The following LDAH variants were observed in gnomAD, a reference collection of about 807,000 sequenced individuals.
LDAH encodes lipid droplet associated hydrolase, also known as lipid droplet-associated hydrolase.
In LDAH, 26 loss-of-function variants were observed where a neutral mutation model predicts 29.6. The observed-to-expected ratio is 0.88, with a 90% CI of 0.64 to 1.22. LDAH has a LOEUF of 1.22. Among genes scored for constraint, LDAH ranks in the 50% most tolerant of loss-of-function variants. The pLI is 0.00. For missense variants in LDAH, 344 were observed against 387.3 expected (o/e 0.89, Z 0.94); for synonymous variants, 117 against 133.0 (o/e 0.88, Z 0.83).
At chr2:20,687,537 AC>A (rs1662656881) in intron 6 of LDAH, among the ~76,000 whole-genome samples, 1 of 152,264 alleles carries the variant, frequency 6.6e-6, no homozygotes, top group African/African-American at 2.4e-5. Context: ...GAATACAAAC[AC>A]AGATCAGATA....
At chr2:20,801,930 ATG>A (rs35921690) in intron 1 of LDAH, among the ~76,000 whole-genome samples, 11,894 of 139,520 alleles carry the variant, frequency 0.085, 516 homozygotes, top group Non-Finnish European at 0.11. Flanking sequence ...CCCAAATTCT[ATG>A]TGTGTGTGTG....
intron 6 of LDAH, among the ~76,000 whole-genome samples, chr2:20,692,767 C>G (rs886460373): frequency 1.3e-5 from 2 of 152,154 alleles, no homozygotes; most frequent in African/African-American, 4.8e-5. Context: ...TTGGCACAGA[C>G]TACTTTGGGT....
chr2:20,779,475 AAAAAT>A (rs1422697799), intron 3 of LDAH, among the ~76,000 whole-genome samples: 1 of 152,070 alleles, frequency 6.6e-6, no homozygotes, highest in African/African-American at 2.4e-5. Flanking sequence ...TTTTTTAAGA[AAAAAT>A]AAAATAAAAA....
At chr2:20,708,472 TG>T (rs1448515823) in intron 5 of LDAH, among the ~76,000 whole-genome samples, 6 of 152,294 alleles carry the variant, frequency 3.9e-5, no homozygotes, top group Non-Finnish European at 8.8e-5. Context: ...AAATTCAGAA[TG>T]TAAGCTATCC....
At chr2:20,721,178 A>G (rs1263491446) in intron 5 of LDAH, among the ~76,000 whole-genome samples, 1 of 152,162 alleles carries the variant, frequency 6.6e-6, no homozygotes, top group Non-Finnish European at 1.5e-5. Flanking sequence ...ACAATCAACA[A>G]AGTGAAGAAA....
In LDAH at chr2:20,746,379, T is replaced by A. The variant is rs113824705; in HGVS notation, c.469-6174A>T. The stretch of plus-strand genomic sequence containing the variant: ...CAGGGTTATATTTGATTGATCTATA[T>A]CAATAACAAATTGAGAATTAAAATG... On this transcript the variant is annotated intron_variant, in intron 4 of 6. Coordinates refer to ENST00000237822, the MANE Select transcript of LDAH (RefSeq NM_021925.4). 3.4e-4 allele frequency among the ~76,000 whole-genome samples: 52 copies of A among 152,302 alleles called. 1 individual carries two copies. The highest frequency in any genetic ancestry group is 1.2e-3 in the African/African-American group (50 of 41,578).
At chr2:20,694,877 G>A (rs999401045) in intron 6 of LDAH, among the ~76,000 whole-genome samples, 5 of 152,184 alleles carry the variant, frequency 3.3e-5, no homozygotes, top group African/African-American at 1.2e-4. Flanking sequence ...TACAAGCCAC[G>A]AGGCCATCAA....
intron 5 of LDAH, among the ~76,000 whole-genome samples, chr2:20,734,266 C>T (rs905917274): frequency 6.6e-6 from 1 of 152,102 alleles, no homozygotes; most frequent in Non-Finnish European, 1.5e-5. Context: ...CTGCCAATTT[C>T]TTTTAATTGT....
At chr2:20,782,979 C>T (rs1184925892) in intron 3 of LDAH, among the ~76,000 whole-genome samples, 1 of 152,124 alleles carries the variant, frequency 6.6e-6, no homozygotes, top group Non-Finnish European at 1.5e-5. Context: ...CTTCTAAGCA[C>T]TAGTTTTGCT....
At chr2:20,790,507 T>A in intron 2 of LDAH, 109 bp from the exon 3 acceptor site, 3 of 857,260 alleles carry the variant, frequency 3.5e-6, no homozygotes, top group Non-Finnish European at 5.5e-6. Flanking sequence ...TCCTCTGAAT[T>A]CTTCAGAGTA....
rs62123882 is a variant in LDAH, at chr2:20,819,753, G to A, written c.-3+3284C>T. Among the ~76,000 whole-genome samples, 4 of 152,200 alleles carry A rather than the reference G, an allele frequency of 2.6e-5. No homozygotes were observed. In the East Asian group the frequency reaches 7.7e-4, roughly 29 times the overall value. On this transcript the variant is annotated intron_variant, in intron 1 of 6. Transcript: ENST00000237822. ...ACTCCTATTCAACATAGTGTTGGAAGTTCTGGCCAGGGCAATTAGGCAGCA... is the reference window on the plus strand; with the variant it reads ...ACTCCTATTCAACATAGTGTTGGAAATTCTGGCCAGGGCAATTAGGCAGCA...
At chr2:20,716,132 G>A (rs1665161688) in intron 5 of LDAH, among the ~76,000 whole-genome samples, 1 of 152,148 alleles carries the variant, frequency 6.6e-6, no homozygotes, top group African/African-American at 2.4e-5. Flanking sequence ...GTTTGTTGGA[G>A]TGTAAATTAG....
chr2:20,798,525 G>A (rs1671456500), intron 2 of LDAH, among the ~76,000 whole-genome samples: 1 of 150,436 alleles, frequency 6.6e-6, no homozygotes, highest in South Asian at 2.1e-4. Flanking sequence ...GAAAGGAAAT[G>A]CATGCGCAAT....
At chr2:20,751,536 A>G (rs1178759179) in intron 4 of LDAH, among the ~76,000 whole-genome samples, 1 of 152,232 alleles carries the variant, frequency 6.6e-6, no homozygotes, top group African/African-American at 2.4e-5. Context: ...ACAATAAGCC[A>G]CAATACACAC....
intron 5 of LDAH, among the ~76,000 whole-genome samples, chr2:20,731,554 T>C (rs1376944862): frequency 6.6e-6 from 1 of 152,170 alleles, no homozygotes; most frequent in Non-Finnish European, 1.5e-5. Flanking sequence ...TGTTGAGTCT[T>C]CCAATCCATG....
intron 6 of LDAH, among the ~76,000 whole-genome samples, chr2:20,690,407 T>C (rs1340994029): frequency 1.3e-5 from 2 of 152,226 alleles, no homozygotes; most frequent in African/African-American, 4.8e-5. Flanking sequence ...TGGGCCCCAT[T>C]TGGTTAAACG....
intron 3 of LDAH, chr2:20,789,176 C>T (rs752097816): frequency 6.4e-7 from 1 of 1,550,388 alleles, no homozygotes; most frequent in African/African-American, 1.4e-5. Context: ...GCTTATATGG[C>T]CCCCAAATCC....
intron 4 of LDAH, among the ~76,000 whole-genome samples, chr2:20,765,190 T>C (rs1317790012): frequency 6.6e-6 from 1 of 152,226 alleles, no homozygotes; most frequent in Non-Finnish European, 1.5e-5. Flanking sequence ...AAAGTTCCTA[T>C]TTGTCTTTCA....
intron 4 of LDAH, among the ~76,000 whole-genome samples, chr2:20,744,100 G>C (rs757466986): frequency 1.3e-5 from 2 of 151,594 alleles, no homozygotes; most frequent in African/African-American, 2.4e-5. Flanking sequence ...ACCTATTCTT[G>C]AATGATGCCT....
Sources: allele counts gnomAD v4.1 joint callset (sites outside exome capture counted in the v4.1 genomes callset), GRCh38; gene constraint gnomAD v4.1.1; transcripts MANE v1.5; gene names NCBI Gene and HGNC (gene_info 2026-07-23, HGNC 2026-07-21).